DTHD1: variants seen among roughly 807,000 people sequenced by gnomAD.
DTHD1 encodes the protein death domain containing 1.
A neutral mutation model predicts 74.8 loss-of-function variants in DTHD1; 59 were observed. The ratio of observed to expected loss-of-function variants is 0.79; its 90% CI spans 0.64 to 0.98. The LOEUF is 0.98. Among genes scored for constraint, DTHD1 ranks in the 50% least tolerant of loss-of-function variants. The pLI is 0.00. For synonymous variants in DTHD1, 365 were observed against 371.1 expected, an observed-to-expected ratio of 0.98 and a Z score of 0.19; for missense variants, 1,051 against 1,065.4, an observed-to-expected ratio of 0.99 and a Z score of 0.19.
At chr4:36,289,607 C>A (rs1322329450) in intron 2 of DTHD1, among the ~76,000 whole-genome samples, 3 of 151,946 alleles carry the variant, frequency 2.0e-5, no homozygotes, top group Non-Finnish European at 4.4e-5. Flanking sequence ...AGTGTGTAAC[C>A]TAAAAACTAC....
At chr4:36,307,973 G>A (rs1757155101) in intron 6 of DTHD1, among the ~76,000 whole-genome samples, 1 of 152,178 alleles carries the variant, frequency 6.6e-6, no homozygotes, top group Admixed American at 6.5e-5. Flanking sequence ...GCCTCCCAAA[G>A]TGCTGGGACG....
At chr4:36,298,556 T>C (rs1756578696) in intron 5 of DTHD1, among the ~76,000 whole-genome samples, 1 of 152,194 alleles carries the variant, frequency 6.6e-6, no homozygotes, top group South Asian at 2.1e-4. Flanking sequence ...GAAAGCCAGT[T>C]GGACATTTTC....
intron 8 of DTHD1, among the ~76,000 whole-genome samples, chr4:36,335,361 C>A (rs1339190332): frequency 2.0e-5 from 3 of 151,986 alleles, no homozygotes; most frequent in Non-Finnish European, 2.9e-5. Context: ...GTAGCTGAGA[C>A]CACAGGAGTA....
In DTHD1 at chr4:36,343,997, A is replaced by G. The variant is rs1759468434; in HGVS notation, c.*173A>G. The stretch of plus-strand genomic sequence containing the variant: ...AAGCACGGATCAGATAATAGAAAGC[A>G]TTCCTGGGTGTGAGCGCTCCTCTCT... On this transcript the variant is annotated 3_prime_UTR_variant, in exon 10 of 10. Coordinates refer to ENST00000639862, the MANE Select transcript of DTHD1 (RefSeq NM_001170700.3). 3.0e-6 allele frequency: 2 copies of G among 675,084 alleles called. No homozygotes were observed. Among genetic ancestry groups the G allele is most frequent in the Non-Finnish European group, 4.8e-6 (2 of 412,748 alleles). 41.8% of individuals were successfully genotyped at this position (675,084 alleles called of 1,614,324 possible).
At position 36,293,517 on chromosome 4, in the gene DTHD1, TC is replaced by T. The variant is rs1560789232; in HGVS notation, c.1219-8del. On this transcript the variant is annotated splice_region_variant and splice_polypyrimidine_tract_variant and intron_variant, in intron 3 of 9. Coordinates refer to ENST00000639862, the MANE Select transcript of DTHD1 (RefSeq NM_001170700.3). ...TATAGCTTATTTTAATGTTCTTTATTCTATACAGGGGACCTGTGCTTCAGTA... is the reference window on the plus strand; with the variant it reads ...TATAGCTTATTTTAATGTTCTTTATTTATACAGGGGACCTGTGCTTCAGTA... 6.6e-7 allele frequency: 1 copy of T among 1,510,604 alleles called. No individual in the cohort carries two copies. The allele number at this position is 1,510,604 out of a possible 1,614,324, so 93.6% of individuals were successfully genotyped here.
chr4:36,305,506 AC>A (rs1265017103), intron 5 of DTHD1, among the ~76,000 whole-genome samples: 2 of 152,314 alleles, frequency 1.3e-5, no homozygotes, highest in Admixed American at 1.3e-4. Context: ...ATTATCTCCT[AC>A]CAGGTCCCTC....
chr4:36,300,957 T>C (rs1267102557), intron 5 of DTHD1, among the ~76,000 whole-genome samples: 1 of 152,192 alleles, frequency 6.6e-6, no homozygotes, highest in Non-Finnish European at 1.5e-5. Flanking sequence ...AGATTCCCTG[T>C]GAATTGGAAT....
intron 5 of DTHD1, among the ~76,000 whole-genome samples, chr4:36,303,549 T>A (rs1018858466): frequency 2.6e-5 from 4 of 152,228 alleles, no homozygotes; most frequent in African/African-American, 9.7e-5. Context: ...TTCTCTGACA[T>A]GCTTGTTCCT....
At chr4:36,318,836 A>G (rs998438275) in intron 8 of DTHD1, among the ~76,000 whole-genome samples, 2 of 151,952 alleles carry the variant, frequency 1.3e-5, no homozygotes, top group African/African-American at 2.4e-5. Context: ...GGATGGTCTC[A>G]ATCTCCTGAC....
chr4:36,282,054 T>C (rs1207167417), intron 1 of DTHD1, 25 bp downstream of exon 1: 12 of 1,511,496 alleles, frequency 7.9e-6, no homozygotes, highest in Non-Finnish European at 1.1e-5. Context: ...TTTTAGTTTA[T>C]TCTTTCTCTA....
At chr4:36,306,468 C>A in intron 6 of DTHD1, 116 bp downstream of exon 6, 1 of 1,152,404 alleles carries the variant, frequency 8.7e-7, no homozygotes. Flanking sequence ...AAATATTAAC[C>A]ATTCTTTAAA....
intron 2 of DTHD1, among the ~76,000 whole-genome samples, chr4:36,288,800 A>C (rs10517375): frequency 6.6e-6 from 1 of 152,190 alleles, no homozygotes; most frequent in African/African-American, 2.4e-5. Context: ...GTTGAGAAAC[A>C]TAACTCCTGG....
chr4:36,305,832 C>T (rs1757013357), intron 5 of DTHD1, among the ~76,000 whole-genome samples: 1 of 152,290 alleles, frequency 6.6e-6, no homozygotes, highest in South Asian at 2.1e-4. Flanking sequence ...TCTCTTAAAT[C>T]TATTTTGCCA....
At chr4:36,283,069 G>A (rs1755489966) in intron 1 of DTHD1, among the ~76,000 whole-genome samples, 1 of 152,162 alleles carries the variant, frequency 6.6e-6, no homozygotes, top group Non-Finnish European at 1.5e-5. Flanking sequence ...CTGGTGAAGG[G>A]ATGATTTGGT....
At chr4:36,307,094 G>A (rs555988294) in intron 6 of DTHD1, among the ~76,000 whole-genome samples, 1 of 152,348 alleles carries the variant, frequency 6.6e-6, no homozygotes, top group East Asian at 1.9e-4. Context: ...CTTGTCTATG[G>A]ATGTAGGGCT....
chr4:36,330,387 G>T (rs547858819), intron 8 of DTHD1, among the ~76,000 whole-genome samples: 1 of 152,256 alleles, frequency 6.6e-6, no homozygotes, highest in South Asian at 2.1e-4. Flanking sequence ...TGTCATATTT[G>T]TCATTTAGCA....
intron 8 of DTHD1, among the ~76,000 whole-genome samples, chr4:36,336,960 G>C (rs150624469): frequency 6.6e-6 from 1 of 152,272 alleles, no homozygotes; most frequent in African/African-American, 2.4e-5. Context: ...GGAGGCAAGA[G>C]AGGAAAGTGG....
chr4:36,327,257 G>A (rs1225249206), intron 8 of DTHD1, among the ~76,000 whole-genome samples: 4 of 152,152 alleles, frequency 2.6e-5, no homozygotes, highest in Admixed American at 2.0e-4. Flanking sequence ...GTGAGCCACC[G>A]CGCCTGGCCC....
Position 36,344,296 on chromosome 4 carries a change from TC to T in DTHD1, c.*474del. ...ACAGGCCCGTAACAGCCTCAGAAGA[TC>T]CTGATGACATATGCCCAAGGTGTTC... On this transcript the variant is annotated 3_prime_UTR_variant, in exon 10 of 10. Transcript: ENST00000639862. 6.1e-6 allele frequency: 1 copy of T among 163,292 alleles called. No homozygotes were observed. The highest frequency in any genetic ancestry group is 1.7e-4 in the East Asian group (1 of 5,766). 10.1% of individuals were successfully genotyped at this position (163,292 alleles called of 1,614,324 possible).
Sources: gnomAD v4.1 joint callset for allele counts (sites outside exome capture counted in the v4.1 genomes callset) on GRCh38, gnomAD v4.1.1 for gene constraint, MANE v1.5 for transcripts, NCBI Gene and HGNC (gene_info 2026-07-23, HGNC 2026-07-21) for gene names.